CRLF3: variants seen among roughly 807,000 people sequenced by gnomAD.
CRLF3 encodes cytokine receptor like factor 3.
CRLF3 carries 33 observed loss-of-function variants against 55.0 expected under a neutral mutation model. The ratio of observed to expected loss-of-function variants is 0.60; its 90% confidence interval spans 0.46 to 0.80. The LOEUF is 0.80. Ranked by LOEUF, CRLF3 falls within the 30% of genes least tolerant of loss-of-function variation. The probability of loss-of-function intolerance (pLI) is 0.00; values close to 1 mark genes in which losing one functional copy is unlikely to be tolerated. For synonymous variants in CRLF3, 238 were observed against 196.8 expected, an observed-to-expected ratio of 1.21 and a Z score of -1.75; for missense variants, 494 against 538.4, an observed-to-expected ratio of 0.92 and a Z score of 0.82.
chr17:30,793,878 AC>A (rs142431624), intron 4 of CRLF3, among the ~76,000 whole-genome samples: 3,264 of 151,828 alleles, frequency 0.021, 116 homozygotes, highest in African/African-American at 0.075. Flanking sequence ...TCACTTTGTC[AC>A]CCAGGCTGTA....
At chr17:30,824,036 C>T (rs1271246026) in intron 1 of CRLF3, among the ~76,000 whole-genome samples, 1 of 151,948 alleles carries the variant, frequency 6.6e-6, no homozygotes, top group Non-Finnish European at 1.5e-5. Flanking sequence ...CAATCCCTAC[C>T]TCTCCCTCAC....
chr17:30,803,320 CT>C (rs1972035081), intron 2 of CRLF3, among the ~76,000 whole-genome samples: 1 of 151,224 alleles, frequency 6.6e-6, no homozygotes, highest in African/African-American at 2.4e-5. Flanking sequence ...TTTATTCTTT[CT>C]TGTTTTATAA....
chr17:30,812,071 G>C (rs999253897), intron 1 of CRLF3, among the ~76,000 whole-genome samples: 15 of 151,334 alleles, frequency 9.9e-5, no homozygotes, highest in Admixed American at 9.2e-4. Context: ...GATTGCGCCA[G>C]TGCACTCCAG....
At chr17:30,812,242 C>T (rs1272291891) in intron 1 of CRLF3, among the ~76,000 whole-genome samples, 1 of 152,114 alleles carries the variant, frequency 6.6e-6, no homozygotes, top group Non-Finnish European at 1.5e-5. Flanking sequence ...TGTCTTTGTA[C>T]TGACACCAAG....
In CRLF3 at chr17:30,783,604, T is replaced by TGA. The variant is rs1483707245; in HGVS notation, c.*581_*582dup. 1 of 149,512 alleles carries TGA rather than the reference T, an allele frequency of 6.7e-6. No homozygotes were observed. The highest frequency in any genetic ancestry group is 2.6e-5 in the African/African-American group (1 of 38,910). 9.3% of individuals were successfully genotyped at this position (149,512 alleles called of 1,614,324 possible). ...TGCACTCCAGCCTGAGTGACAAGAG[T>TGA]GAGACTCCGTCTCAACAAAAAAAGA... On this transcript the variant is annotated 3_prime_UTR_variant, in exon 8 of 8. Coordinates refer to ENST00000324238, the MANE Select transcript of CRLF3 (RefSeq NM_015986.4).
intron 2 of CRLF3, among the ~76,000 whole-genome samples, chr17:30,803,175 A>T (rs1400802544): frequency 7.5e-6 from 1 of 132,626 alleles, no homozygotes; most frequent in African/African-American, 2.8e-5. Flanking sequence ...CAAAAAAAAA[A>T]TATATATATA....
intron 4 of CRLF3, 21 bp downstream of exon 4, chr17:30,796,139 C>T (rs558394365): frequency 8.4e-5 from 131 of 1,552,364 alleles, no homozygotes; most frequent in Non-Finnish European, 1.1e-4. Flanking sequence ...GAAGTCATTT[C>T]TAGAATTCTG....
chr17:30,791,145 A>T (rs1166369701), intron 6 of CRLF3, among the ~76,000 whole-genome samples: 2 of 151,940 alleles, frequency 1.3e-5, no homozygotes, highest in African/African-American at 4.8e-5. Context: ...GCAATGGCTC[A>T]CTGCAACATT....
intron 2 of CRLF3, chr17:30,801,472 C>T (rs1330286958): frequency 6.6e-6 from 1 of 152,082 alleles, no homozygotes; most frequent in African/African-American, 2.4e-5. Context: ...ACTCTGTTGC[C>T]CAGGCTGGAG....
At chr17:30,821,797 G>C (rs1189970691) in intron 1 of CRLF3, among the ~76,000 whole-genome samples, 1 of 152,068 alleles carries the variant, frequency 6.6e-6, no homozygotes, top group Non-Finnish European at 1.5e-5. Context: ...GAGTTCTTTT[G>C]GGGGTGATGA....
intron 1 of CRLF3, among the ~76,000 whole-genome samples, chr17:30,815,541 C>CTT (rs57194440): frequency 8.6e-5 from 10 of 116,386 alleles, no homozygotes; most frequent in South Asian, 2.7e-4. Context: ...CTAGTTTCTT[C>CTT]TTTTTTTTTT....
Position 30,784,172 on chromosome 17 carries a change from C to T in CRLF3, c.*15G>A, listed in dbSNP as rs764159202. On this transcript the variant is annotated 3_prime_UTR_variant, in exon 8 of 8. Transcript: ENST00000324238. ...TACGTTAGACCCTGAAAACCAAAGC[C>T]AAGCACCCAAACATCTAAAACACTA... 6.2e-7 allele frequency: 1 copy of T among 1,606,878 alleles called. No homozygotes were observed. The highest frequency in any genetic ancestry group is 1.7e-5 in the Admixed American group (1 of 59,106).
At chr17:30,792,290 C>T (rs1333550252) in intron 6 of CRLF3, 150 bp downstream of exon 6, 1 of 606,194 alleles carries the variant, frequency 1.6e-6, no homozygotes, top group Non-Finnish European at 2.8e-6. Flanking sequence ...GAGAAAACTA[C>T]AGCTACAGGA....
chr17:30,787,000 TAA>T, intron 6 of CRLF3, among the ~76,000 whole-genome samples: 2 of 152,108 alleles, frequency 1.3e-5, no homozygotes, highest in African/African-American at 4.8e-5. Context: ...ACACCTGGCC[TAA>T]TTTTGTATTT....
chr17:30,807,370 T>C (rs1472188624), intron 1 of CRLF3, among the ~76,000 whole-genome samples: 3 of 151,986 alleles, frequency 2.0e-5, no homozygotes, highest in Admixed American at 2.0e-4. Flanking sequence ...CTAAATTCTC[T>C]CTAAATTTAA....
Position 30,818,540 on chromosome 17 carries a change from G to A in CRLF3, c.129+5983C>T, listed in dbSNP as rs559668826. Among the ~76,000 whole-genome samples, 13 of 143,114 alleles carry A rather than the reference G, an allele frequency of 9.1e-5. No homozygotes were observed. The East Asian group carries it at 1.5e-3, about 17-fold the overall frequency. The allele number at this position is 143,114 out of a possible 152,430, so 93.9% of individuals were successfully genotyped here. A position where few individuals can be genotyped will look rare whatever the true frequency, so the allele number is the denominator to read the frequency against. On this transcript the variant is annotated intron_variant, in intron 1 of 7. Coordinates refer to ENST00000324238, the MANE Select transcript of CRLF3 (RefSeq NM_015986.4). The stretch of plus-strand genomic sequence containing the variant: ...ATGATCTCGGCTCACCGCAACCTCC[G>A]TCTCCTGGGTTCAAGCAATTCTCTT...
At chr17:30,785,661 A>C (rs1971625794) in intron 7 of CRLF3, among the ~76,000 whole-genome samples, 1 of 151,958 alleles carries the variant, frequency 6.6e-6, no homozygotes, top group Non-Finnish European at 1.5e-5. Context: ...ATGCACCTGT[A>C]GTCCCGGCTA....
At chr17:30,791,213 GGT>G (rs1971792454) in intron 6 of CRLF3, among the ~76,000 whole-genome samples, 1 of 151,810 alleles carries the variant, frequency 6.6e-6, no homozygotes, top group Non-Finnish European at 1.5e-5. Flanking sequence ...TGGGATTACA[GGT>G]GTGCACTACC....
At chr17:30,824,419 C>G (rs1905081144) in intron 1 of CRLF3, 104 bp downstream of exon 1, 2 of 1,182,134 alleles carry the variant, frequency 1.7e-6, no homozygotes, top group Non-Finnish European at 2.3e-6. Flanking sequence ...CTTCCCTACT[C>G]CAGAGTTTTC....
Sources: allele counts gnomAD v4.1 joint callset (sites outside exome capture counted in the v4.1 genomes callset), GRCh38; gene constraint gnomAD v4.1.1; transcripts MANE v1.5; gene names NCBI Gene and HGNC (gene_info 2026-07-23, HGNC 2026-07-21).